The following NDUFB6 variants were observed in gnomAD, a reference collection of about 807,000 sequenced individuals.
NDUFB6 encodes NADH dehydrogenase [ubiquinone] 1 beta subcomplex subunit 6.
Under a neutral mutation model 17.5 loss-of-function variants are expected in NDUFB6, and 23 were observed. That is an observed-to-expected ratio of 1.31 (90% CI 0.94 to 1.86). The LOEUF is 1.86. NDUFB6 is among the 40% of genes most tolerant of loss of function. NDUFB6 has a pLI of 0.00. For missense variants in NDUFB6, 167 were observed against 153.8 expected, an observed-to-expected ratio of 1.09 and a Z score of -0.46; for synonymous variants, 60 against 53.5, an observed-to-expected ratio of 1.12 and a Z score of -0.53.
chr9:32,557,206 C>T (rs1382798523), intron 3 of NDUFB6, among the ~76,000 whole-genome samples: 1 of 136,360 alleles, frequency 7.3e-6, no homozygotes, highest in Non-Finnish European at 1.6e-5. Flanking sequence ...ACTCTGTGAC[C>T]CAGGCTGGAG....
rs1178784901 is a variant in NDUFB6 at position 32,553,674 on chromosome 9, G to T, written c.*202C>A. ...AAGTCAAGAATGACCAGAAAAAGTA[G>T]GTAGTCTCTCATATTTGTTTAGCAT... On this transcript the variant is annotated 3_prime_UTR_variant, in exon 4 of 4. Transcript: ENST00000379847. The T allele has an allele frequency of 3.8e-6, 2 of 519,786 alleles. No homozygotes were observed. The highest frequency in any genetic ancestry group is 6.9e-6 in the Non-Finnish European group (2 of 291,948). 32.2% of individuals were successfully genotyped at this position (519,786 alleles called of 1,614,324 possible).
chr9:32,567,565 T>C (rs964361159), intron 2 of NDUFB6: 1 of 396,400 alleles, frequency 2.5e-6, no homozygotes, highest in African/African-American at 2.1e-5. Context: ...CCTCAGCTGA[T>C]TTGCCCACCT....
Position 32,553,676 on chromosome 9 carries a change from T to C in NDUFB6, c.*200A>G, listed in dbSNP as rs1821369797. 1.9e-6 allele frequency: 1 copy of C among 520,780 alleles called. No individual in the cohort carries two copies. The highest frequency in any genetic ancestry group is 2.5e-5 in the South Asian group (1 of 40,102). 32.3% of individuals were successfully genotyped at this position (520,780 alleles called of 1,614,324 possible). On this transcript the variant is annotated 3_prime_UTR_variant, in exon 4 of 4. Transcript: ENST00000379847. ...GTCAAGAATGACCAGAAAAAGTAGGTAGTCTCTCATATTTGTTTAGCATGT... is the reference window on the plus strand; with the variant it reads ...GTCAAGAATGACCAGAAAAAGTAGGCAGTCTCTCATATTTGTTTAGCATGT...
rs1175544929 is a variant in NDUFB6, at chr9:32,553,108, C to G, written c.*768G>C. The G allele has an allele frequency of 2.0e-6, 1 of 489,128 alleles. No homozygotes were observed. Among genetic ancestry groups the G allele is most frequent in the Non-Finnish European group, 3.6e-6 (1 of 281,010 alleles). The allele number at this position is 489,128 out of a possible 1,614,324, so 30.3% of individuals were successfully genotyped here. ...TACATTCTCATGACAAAATTAACAG[C>G]AACCTAAATCTGACAGTCTTGAGTG... On this transcript the variant is annotated 3_prime_UTR_variant, in exon 4 of 4. Coordinates refer to ENST00000379847, the MANE Select transcript of NDUFB6 (RefSeq NM_002493.5).
intron 2 of NDUFB6, among the ~76,000 whole-genome samples, chr9:32,563,326 CTTTT>C (rs964142546): frequency 2.0e-5 from 3 of 148,388 alleles, no homozygotes; most frequent in African/African-American, 7.4e-5. Flanking sequence ...TTAGCATCCT[CTTTT>C]TTTTTTAATT....
chr9:32,567,516 G>T, intron 2 of NDUFB6: 1 of 422,322 alleles, frequency 2.4e-6, no homozygotes, highest in South Asian at 1.8e-5. Context: ...GTAGAGATGG[G>T]GTTTCACCAT....
chr9:32,562,959 C>T (rs1821668997), intron 2 of NDUFB6, among the ~76,000 whole-genome samples: 1 of 152,216 alleles, frequency 6.6e-6, no homozygotes, highest in South Asian at 2.1e-4. Context: ...CTTCCTCAAT[C>T]TGGAACAATC....
rs935730427 is a variant in NDUFB6 at position 32,569,382 on chromosome 9, C to T, written c.273+1578G>A. Among the ~76,000 whole-genome samples, 3 of 152,166 alleles carry T rather than the reference C, an allele frequency of 2.0e-5. No homozygotes were observed. The South Asian group carries it at 6.2e-4, about 32-fold the overall frequency. ...TACAGGCGCCCGCCACCATGCCCAG[C>T]TCATTTTTTTTATTTTTAGTAGAGG... On this transcript the variant is annotated intron_variant, in intron 2 of 3. Transcript: ENST00000379847.
chr9:32,556,813 G>A (rs962660102), intron 3 of NDUFB6, among the ~76,000 whole-genome samples: 21 of 133,202 alleles, frequency 1.6e-4, no homozygotes, highest in Admixed American at 1.5e-4. Context: ...ACACATCAAT[G>A]TTACACAATA....
chr9:32,564,279 T>C (rs1294463218), intron 2 of NDUFB6, among the ~76,000 whole-genome samples: 1 of 152,200 alleles, frequency 6.6e-6, no homozygotes, highest in African/African-American at 2.4e-5. Flanking sequence ...AACTCCCTTT[T>C]CCGGCAGTGA....
chr9:32,571,348 TGTTA>T (rs1821936390), intron 1 of NDUFB6, among the ~76,000 whole-genome samples: 1 of 152,032 alleles, frequency 6.6e-6, no homozygotes, highest in South Asian at 2.1e-4. Context: ...ATTATAAGTT[TGTTA>T]AAGATAAAAT....
chr9:32,554,073 C>G, intron 3 of NDUFB6, 129 bp from the exon 4 acceptor site: 1 of 555,182 alleles, frequency 1.8e-6, no homozygotes, highest in South Asian at 3.3e-5. Flanking sequence ...TTTAAAAGGA[C>G]CCTAGACAAA....
Position 32,553,153 on chromosome 9 carries a change from A to C in NDUFB6, c.*723T>G. Reference sequence around the variant, plus strand: ...TGAGTGTCAGATCATAGTTGGAATAAGCTTTTCAATCAAGTTTCTAAATTC... The same window carrying C: ...TGAGTGTCAGATCATAGTTGGAATACGCTTTTCAATCAAGTTTCTAAATTC... On this transcript the variant is annotated 3_prime_UTR_variant, in exon 4 of 4. Coordinates refer to ENST00000379847, the MANE Select transcript of NDUFB6 (RefSeq NM_002493.5). 1 of 408,302 alleles carries C rather than the reference A, an allele frequency of 2.4e-6. No homozygotes were observed. The highest frequency in any genetic ancestry group is 6.6e-4 in the Middle Eastern group (1 of 1,510). The allele number at this position is 408,302 out of a possible 1,614,324, so 25.3% of individuals were successfully genotyped here.
Position 32,573,150 on chromosome 9 carries a change from T to C in NDUFB6, c.-90A>G, listed in dbSNP as rs1821984438. 7.4e-6 allele frequency: 10 copies of C among 1,358,596 alleles called. No homozygotes were observed. The highest frequency in any genetic ancestry group is 9.7e-6 in the Non-Finnish European group (10 of 1,031,628). 84.2% of individuals were successfully genotyped at this position (1,358,596 alleles called of 1,614,324 possible). A position where few individuals can be genotyped will look rare whatever the true frequency, so the allele number is the denominator to read the frequency against. On this transcript the variant is annotated 5_prime_UTR_variant, in exon 1 of 4. Transcript: ENST00000379847. ...CGCGCTCCCGCTCTGCAAAGCGACCTTGCGGGAACGCCGAGCGCCGCGCGC... is the reference window on the plus strand; with the variant it reads ...CGCGCTCCCGCTCTGCAAAGCGACCCTGCGGGAACGCCGAGCGCCGCGCGC...
chr9:32,558,746 G>A (rs1456054860), intron 3 of NDUFB6, among the ~76,000 whole-genome samples, 164 bp downstream of exon 3: 2 of 150,774 alleles, frequency 1.3e-5, no homozygotes, highest in Non-Finnish European at 3.0e-5. Flanking sequence ...ATTTCTTCCT[G>A]TTTTTTTTTG....
At chr9:32,559,410 A>G (rs930430143) in intron 2 of NDUFB6, among the ~76,000 whole-genome samples, 3 of 152,166 alleles carry the variant, frequency 2.0e-5, no homozygotes, top group Non-Finnish European at 4.4e-5. Context: ...TGAAAAGTCT[A>G]TTCTCCACAC....
At chr9:32,559,581 A>G (rs1345068367) in intron 2 of NDUFB6, among the ~76,000 whole-genome samples, 1 of 152,166 alleles carries the variant, frequency 6.6e-6, no homozygotes. Context: ...TTGTGCCTCA[A>G]GGCCTCTGTA....
intron 2 of NDUFB6, among the ~76,000 whole-genome samples, chr9:32,562,026 C>T (rs1165503555): frequency 1.3e-5 from 2 of 152,174 alleles, no homozygotes; most frequent in Non-Finnish European, 1.5e-5. Flanking sequence ...ACATGCAGTT[C>T]AACTTCTTCT....
chr9:32,566,623 C>T (rs939020557), intron 2 of NDUFB6: 18 of 790,286 alleles, frequency 2.3e-5, no homozygotes, highest in Non-Finnish European at 4.2e-5. Context: ...TGAGCCTCTG[C>T]ACCCACCATG....
Sources: gnomAD v4.1 joint callset for allele counts (sites outside exome capture counted in the v4.1 genomes callset) on GRCh38, gnomAD v4.1.1 for gene constraint, MANE v1.5 for transcripts, NCBI Gene and HGNC (gene_info 2026-07-23, HGNC 2026-07-21) for gene names.